Variants in GDF10 observed in about 807,000 individuals in gnomAD.
The protein encoded by GDF10 is growth/differentiation factor 10.
A neutral mutation model predicts 32.1 loss-of-function variants in GDF10; 23 were observed. The observed-to-expected ratio is 0.72, with a 90% CI of 0.52 to 1.02. GDF10 has a LOEUF of 1.02. Ranked by LOEUF, GDF10 falls within the 50% of genes least tolerant of loss-of-function variation. The pLI is 0.00. For missense variants in GDF10, 764 were observed against 673.9 expected (o/e 1.13, Z -1.48); for synonymous variants, 328 against 303.1 (o/e 1.08, Z -0.85).
chr10:47,309,324 T>G (rs911520402), intron 1 of GDF10, among the ~76,000 whole-genome samples: 1 of 152,200 alleles, frequency 6.6e-6, no homozygotes, highest in Admixed American at 6.5e-5. Flanking sequence ...ATTTAAAAAC[T>G]GATTGCATAA....
Position 47,310,449 on chromosome 10 carries a change from C to G in GDF10, c.973C>G (p.Pro325Ala). Residue 325 changes from proline (P) to alanine (A), a missense_variant, in exon 2 of 3, where the codon CCC becomes GCC. Physicochemically the swap from Pro to Ala is conservative, Grantham distance 27. Transcript: ENST00000580279. Reference sequence around the variant, plus strand: ...GCACTTCCACAAGCACCAGCTGTGGCCCAGCCCCTTCCGGGCGCTGAAACC... The same window carrying G: ...GCACTTCCACAAGCACCAGCTGTGGGCCAGCCCCTTCCGGGCGCTGAAACC... ...AQHFHKHQLW[P>A]SPFRALKPRP... 4 of 1,613,458 alleles carry G rather than the reference C, an allele frequency of 2.5e-6. No individual in the cohort carries two copies. The highest frequency in any genetic ancestry group is 3.4e-6 in the Non-Finnish European group (4 of 1,179,792).
chr10:47,305,955 T>C (rs1240449567), intron 1 of GDF10, among the ~76,000 whole-genome samples: 1 of 152,228 alleles, frequency 6.6e-6, no homozygotes, highest in Non-Finnish European at 1.5e-5. Context: ...CCATTAGCTC[T>C]TAGGCAGATC....
chr10:47,306,783 G>A (rs1174957722), intron 1 of GDF10, among the ~76,000 whole-genome samples: 2 of 152,112 alleles, frequency 1.3e-5, no homozygotes, highest in African/African-American at 4.8e-5. Flanking sequence ...AACCATGAAG[G>A]TGGAAGGAAG....
chr10:47,311,518 A>G (rs1555207775), intron 2 of GDF10, among the ~76,000 whole-genome samples: 1 of 152,250 alleles, frequency 6.6e-6, no homozygotes, highest in African/African-American at 2.4e-5. Flanking sequence ...TTGAACTTAA[A>G]TAATCAGCCA....
intron 1 of GDF10, among the ~76,000 whole-genome samples, chr10:47,308,355 C>A (rs771880257): frequency 2.0e-5 from 3 of 152,118 alleles, no homozygotes; most frequent in Non-Finnish European, 4.4e-5. Context: ...ACTGTCCTGG[C>A]AGGTTTGTTG....
Position 47,300,845 on chromosome 10 carries a change from C to T in GDF10, c.194C>T (p.Ala65Val). ...DLQRHPGDAAATLGPSAQDMV... is the reference protein window; with the variant it reads ...DLQRHPGDAAVTLGPSAQDMV... Reference sequence around the variant, plus strand: ...CAGCGGCACCCTGGGGACGCGGCCGCCACGTTGGGCCCCAGCGCCCAGGAC... The same window carrying T: ...CAGCGGCACCCTGGGGACGCGGCCGTCACGTTGGGCCCCAGCGCCCAGGAC... Residue 65 changes from alanine (A) to valine (V), a missense_variant, in exon 1 of 3, where the codon GCC becomes GTC. Transcript: ENST00000580279. The T allele has an allele frequency of 6.3e-7, 1 of 1,580,828 alleles. No homozygotes were observed. Among genetic ancestry groups the T allele is most frequent in the Non-Finnish European group, 8.5e-7 (1 of 1,171,020 alleles).
rs1379543662 is a variant in GDF10, at chr10:47,300,975, G to A, written c.319+5G>A. 1.4e-6 allele frequency: 2 copies of A among 1,469,168 alleles called. No individual in the cohort carries two copies. The highest frequency in any genetic ancestry group is 1.8e-6 in the Non-Finnish European group (2 of 1,115,616). 91.0% of individuals were successfully genotyped at this position (1,469,168 alleles called of 1,614,324 possible). A position where few individuals can be genotyped will look rare whatever the true frequency, so the allele number is the denominator to read the frequency against. ...GCAGCTTCAGGGCCAGGCTGGGTAA[G>A]TAGAGGGTGCCCCAGGACCCCTTCT... On this transcript the variant is annotated splice_donor_5th_base_variant and intron_variant, in intron 1 of 2. Coordinates refer to ENST00000580279, the MANE Select transcript of GDF10 (RefSeq NM_004962.5).
At position 47,312,743 on chromosome 10, in the gene GDF10, T is replaced by C; in HGVS notation, c.1388T>C (p.Val463Ala). The change falls in exon 3 of 3, where the codon GTT becomes GCT. Residue 463 changes from valine to alanine, a missense_variant. Transcript: ENST00000580279. Reference protein sequence around the residue: ...VLFLDENRNVVLKVYPNMSVD... With the variant: ...VLFLDENRNVALKVYPNMSVD... ...TTCCTGGATGAGAATCGGAATGTGG[T>C]TCTGAAGGTGTACCCCAACATGTCC... The C allele has an allele frequency of 6.2e-7, 1 of 1,606,420 alleles. No individual in the cohort carries two copies.
intron 1 of GDF10, among the ~76,000 whole-genome samples, chr10:47,306,158 A>C (rs782211253): frequency 2.6e-5 from 4 of 152,198 alleles, no homozygotes; most frequent in Non-Finnish European, 4.4e-5. Flanking sequence ...AAAATGATGA[A>C]TCAAGCATGC....
At chr10:47,302,524 G>A (rs1411511042) in intron 1 of GDF10, among the ~76,000 whole-genome samples, 1 of 152,238 alleles carries the variant, frequency 6.6e-6, no homozygotes, top group Non-Finnish European at 1.5e-5. Context: ...ACTTGCTGCA[G>A]CCAGGCATGG....
At chr10:47,310,830 C>G in intron 2 of GDF10, 109 bp downstream of exon 2, 1 of 744,548 alleles carries the variant, frequency 1.3e-6, no homozygotes. Flanking sequence ...ATGGGAATAA[C>G]AGTACTTCCT....
At position 47,301,552 on chromosome 10, in the gene GDF10, C is replaced by T. The variant is rs781791808; in HGVS notation, c.319+582C>T. Among the ~76,000 whole-genome samples, 11 of 152,222 alleles carry T rather than the reference C, an allele frequency of 7.2e-5. No individual in the cohort carries two copies. The South Asian group carries it at 1.4e-3, about 20-fold the overall frequency. On this transcript the variant is annotated intron_variant, in intron 1 of 2. Transcript: ENST00000580279. ...CCCAGGGGCTTAGGCAGTGGGAACA[C>T]TCTGCCTATCTCCGGCCTCTGTCCC...
chr10:47,300,917 A>G lies in GDF10; in HGVS notation c.266A>G (p.Gln89Arg). The change falls in exon 1 of 3, where the codon CAG (glutamine) becomes CGG (arginine). Residue 89 changes from glutamine to arginine, a missense_variant. Coordinates refer to ENST00000580279, the MANE Select transcript of GDF10 (RefSeq NM_004962.5). ...AGGCTCTATGAGAAGTACAGCCGGC[A>G]GGGCGCGCGGCCGGGAGGGGGCAAC... ...MHRLYEKYSR[Q>R]GARPGGGNTV... The G allele has an allele frequency of 4.5e-6, 7 of 1,554,328 alleles. No individual in the cohort carries two copies. The highest frequency in any genetic ancestry group is 6.0e-6 in the Non-Finnish European group (7 of 1,157,584).
At chr10:47,312,070 A>C (rs535841460) in intron 2 of GDF10, among the ~76,000 whole-genome samples, 3 of 63,798 alleles carry the variant, frequency 4.7e-5, no homozygotes, top group African/African-American at 1.9e-4. Flanking sequence ...CTAAGCTGAC[A>C]AAAAAAAGGG....
chr10:47,311,945 A>G (rs1156578514), intron 2 of GDF10, among the ~76,000 whole-genome samples: 1 of 152,218 alleles, frequency 6.6e-6, no homozygotes, highest in Non-Finnish European at 1.5e-5. Context: ...AGAGGTGGGC[A>G]CAGTTTTCCA....
At chr10:47,305,832 G>C (rs1391494675) in intron 1 of GDF10, among the ~76,000 whole-genome samples, 1 of 152,194 alleles carries the variant, frequency 6.6e-6, no homozygotes, top group Non-Finnish European at 1.5e-5. Flanking sequence ...ACTGAGATCA[G>C]CTTGTCTAAA....
rs2061052227 is a variant in GDF10, at chr10:47,312,909, T to G, written c.*117T>G. 3.3e-6 allele frequency: 2 copies of G among 608,528 alleles called. No individual in the cohort carries two copies. The highest frequency in any genetic ancestry group is 5.6e-6 in the Non-Finnish European group (2 of 360,318). 37.7% of individuals were successfully genotyped at this position (608,528 alleles called of 1,614,324 possible). A position where few individuals can be genotyped will look rare whatever the true frequency, so the allele number is the denominator to read the frequency against. ...GAGCACAGCTCATGGGCAACATCACTGGGGCCCAGAGAGAGCTGTCCGCCA... is the reference window on the plus strand; with the variant it reads ...GAGCACAGCTCATGGGCAACATCACGGGGGCCCAGAGAGAGCTGTCCGCCA... On this transcript the variant is annotated 3_prime_UTR_variant, in exon 3 of 3. Coordinates refer to ENST00000580279, the MANE Select transcript of GDF10 (RefSeq NM_004962.5).
intron 2 of GDF10, among the ~76,000 whole-genome samples, chr10:47,311,557 G>T (rs1317703775): frequency 6.6e-6 from 1 of 152,232 alleles, no homozygotes; most frequent in Non-Finnish European, 1.5e-5. Flanking sequence ...CAGACATGGG[G>T]CAGCAGTAAC....
intron 1 of GDF10, among the ~76,000 whole-genome samples, chr10:47,306,987 C>T (rs1555207222): frequency 1.3e-5 from 2 of 152,052 alleles, no homozygotes; most frequent in Non-Finnish European, 1.5e-5. Flanking sequence ...TGGGGGGTGA[C>T]CTGTGATGGA....
Sources: gnomAD v4.1 joint callset for allele counts (sites outside exome capture counted in the v4.1 genomes callset) on GRCh38, gnomAD v4.1.1 for gene constraint, MANE v1.5 for transcripts, NCBI Gene and HGNC (gene_info 2026-07-23, HGNC 2026-07-21) for gene names.